Variants in ZNF804A observed in about 807,000 individuals in gnomAD.
ZNF804A encodes the protein zinc finger protein 804A.
A neutral mutation model predicts 16.5 loss-of-function variants in ZNF804A; 2 were observed. The ratio of observed to expected loss-of-function variants is 0.12; its 90% CI spans 0.05 to 0.38. The LOEUF is 0.38. ZNF804A is among the 10% of genes least tolerant of loss of function. ZNF804A has a pLI of 0.99. For synonymous variants in ZNF804A, 534 were observed against 489.6 expected (o/e 1.09, Z -1.20); for missense variants, 1,473 against 1,390.7 (o/e 1.06, Z -0.94).
At chr2:184,757,999 T>G (rs898104258) in intron 1 of ZNF804A, among the ~76,000 whole-genome samples, 1 of 152,024 alleles carries the variant, frequency 6.6e-6, no homozygotes, top group African/African-American at 2.4e-5. Flanking sequence ...GATGGGCTCT[T>G]TCTGTTTCAA....
intron 1 of ZNF804A, among the ~76,000 whole-genome samples, chr2:184,821,193 A>G (rs1356065668): frequency 6.6e-6 from 1 of 152,180 alleles, no homozygotes; most frequent in Non-Finnish European, 1.5e-5. Flanking sequence ...ACCAAACAGC[A>G]TGGTACTGGT....
intron 1 of ZNF804A, among the ~76,000 whole-genome samples, chr2:184,738,822 A>G (rs181810663): frequency 1.8e-4 from 28 of 152,352 alleles, no homozygotes; most frequent in African/African-American, 6.7e-4. Context: ...CAAAGCATAT[A>G]AAAGAGGAAG....
At chr2:184,853,600 A>G (rs1169266036) in intron 1 of ZNF804A, among the ~76,000 whole-genome samples, 3 of 151,744 alleles carry the variant, frequency 2.0e-5, no homozygotes, top group African/African-American at 7.2e-5. Flanking sequence ...AGCATTTATC[A>G]TGAGAGGATG....
At chr2:184,870,162 A>G (rs1695952359) in intron 2 of ZNF804A, among the ~76,000 whole-genome samples, 1 of 152,076 alleles carries the variant, frequency 6.6e-6, no homozygotes, top group South Asian at 2.1e-4. Context: ...TAAAAAGGCT[A>G]GAATCAAAAT....
intron 1 of ZNF804A, among the ~76,000 whole-genome samples, chr2:184,628,131 A>G (rs1474045448): frequency 6.6e-6 from 1 of 152,158 alleles, no homozygotes; most frequent in Non-Finnish European, 1.5e-5. Flanking sequence ...CCTGACCAAC[A>G]TGGAGAAACC....
chr2:184,647,260 A>T (rs1254318168), intron 1 of ZNF804A, among the ~76,000 whole-genome samples: 6 of 152,218 alleles, frequency 3.9e-5, no homozygotes, highest in Non-Finnish European at 8.8e-5. Flanking sequence ...ACCCTCACTA[A>T]AATGATTACA....
chr2:184,863,562 A>AG (rs939731099), intron 1 of ZNF804A, among the ~76,000 whole-genome samples: 45 of 152,126 alleles, frequency 3.0e-4, no homozygotes, highest in African/African-American at 1.0e-3. Flanking sequence ...ATTAAAAAAA[A>AG]AAAACACCTT....
intron 1 of ZNF804A, among the ~76,000 whole-genome samples, chr2:184,624,307 A>G (rs1402141480): frequency 2.6e-5 from 4 of 152,198 alleles, no homozygotes; most frequent in Non-Finnish European, 5.9e-5. Context: ...AAAAAGCCTA[A>G]AAATACTATA....
chr2:184,787,152 C>T (rs1694460920), intron 1 of ZNF804A, among the ~76,000 whole-genome samples: 1 of 151,912 alleles, frequency 6.6e-6, no homozygotes, highest in Non-Finnish European at 1.5e-5. Flanking sequence ...TTATTCTCTT[C>T]ATCTTTATGT....
chr2:184,640,229 A>G (rs1691772553), intron 1 of ZNF804A, among the ~76,000 whole-genome samples: 1 of 151,626 alleles, frequency 6.6e-6, no homozygotes, highest in Non-Finnish European at 1.5e-5. Flanking sequence ...AAGAAGGAGG[A>G]GGAGGAGGAG....
chr2:184,850,084 T>G (rs921919853), intron 1 of ZNF804A, among the ~76,000 whole-genome samples: 4 of 150,892 alleles, frequency 2.7e-5, no homozygotes, highest in Non-Finnish European at 5.9e-5. Flanking sequence ...TAGTAGGGAG[T>G]GGGGGTAAAA....
intron 1 of ZNF804A, among the ~76,000 whole-genome samples, chr2:184,789,625 A>T (rs566688844): frequency 9.9e-5 from 15 of 152,054 alleles, no homozygotes; most frequent in Admixed American, 9.8e-4. Context: ...GTGTGCACAG[A>T]GGTGTTCATA....
At chr2:184,870,384 A>T (rs1695956992) in intron 2 of ZNF804A, among the ~76,000 whole-genome samples, 1 of 152,028 alleles carries the variant, frequency 6.6e-6, no homozygotes, top group Admixed American at 6.6e-5. Context: ...TAATTCTTAA[A>T]CTAGATAGTG....
chr2:184,774,409 T>G (rs78011041), intron 1 of ZNF804A, among the ~76,000 whole-genome samples: 2,912 of 151,968 alleles, frequency 0.019, 46 homozygotes, highest in Non-Finnish European at 0.031. Flanking sequence ...TATATGGTTG[T>G]GTTTTGAAAA....
intron 1 of ZNF804A, among the ~76,000 whole-genome samples, chr2:184,693,517 AT>A (rs1420542749): frequency 1.3e-5 from 2 of 152,212 alleles, no homozygotes; most frequent in African/African-American, 4.8e-5. Flanking sequence ...CAAAATAAGT[AT>A]TCATATATGC....
At chr2:184,925,106 A>G (rs1428866137) in intron 2 of ZNF804A, among the ~76,000 whole-genome samples, 2 of 151,956 alleles carry the variant, frequency 1.3e-5, no homozygotes, top group African/African-American at 2.4e-5. Flanking sequence ...TCTCTCTGGA[A>G]TATTCGTGCA....
At chr2:184,731,246 C>T (rs1237093167) in intron 1 of ZNF804A, among the ~76,000 whole-genome samples, 12 of 80,656 alleles carry the variant, frequency 1.5e-4, no homozygotes, top group South Asian at 1.1e-3. Flanking sequence ...AGCTAGGCTC[C>T]GTCGCAAAAA....
At chr2:184,925,017 C>T (rs1021965499) in intron 2 of ZNF804A, among the ~76,000 whole-genome samples, 1 of 151,904 alleles carries the variant, frequency 6.6e-6, no homozygotes. Context: ...TATTCTGTAG[C>T]TGTTGGATGA....
intron 2 of ZNF804A, among the ~76,000 whole-genome samples, chr2:184,919,789 T>G (rs1685501721): frequency 6.6e-6 from 1 of 152,148 alleles, no homozygotes; most frequent in Non-Finnish European, 1.5e-5. Flanking sequence ...TGTGAGAAAT[T>G]CCTGTCATCA....
Sources: allele counts gnomAD v4.1 joint callset (sites outside exome capture counted in the v4.1 genomes callset), GRCh38; gene constraint gnomAD v4.1.1; transcripts MANE v1.5; gene names NCBI Gene and HGNC (gene_info 2026-07-23, HGNC 2026-07-21).